The following RBFOX1 variants were observed in gnomAD, a reference collection of about 807,000 sequenced individuals.
The protein encoded by RBFOX1 is RNA binding fox-1 homolog 1.
RBFOX1 carries 8 observed loss-of-function variants against 57.7 expected under a neutral mutation model. That is an observed-to-expected ratio of 0.14 (90% CI 0.08 to 0.25). RBFOX1 has a LOEUF of 0.25. Among genes scored for constraint, RBFOX1 ranks in the 10% least tolerant of loss-of-function variants. The probability of loss-of-function intolerance (pLI) is 1.00; values close to 1 mark genes in which losing one functional copy is unlikely to be tolerated. For synonymous variants in RBFOX1, 326 were observed against 222.4 expected (o/e 1.47, Z -4.15); for missense variants, 611 against 548.5 (o/e 1.11, Z -1.14).
chr16:7,066,059 A>C (rs1047307938), intron 4 of RBFOX1, among the ~76,000 whole-genome samples: 2 of 152,220 alleles, frequency 1.3e-5, no homozygotes, highest in African/African-American at 4.8e-5. Context: ...AAAGTTTTGC[A>C]AACATCTAAG....
chr16:6,008,668 G>GA (rs2094941721), intron 4 of RBFOX1, among the ~76,000 whole-genome samples: 1 of 152,096 alleles, frequency 6.6e-6, no homozygotes, highest in South Asian at 2.1e-4. Flanking sequence ...TTAACTGTTG[G>GA]AAAAAAGAAC....
chr16:7,158,046 A>G (rs551812690), intron 4 of RBFOX1, among the ~76,000 whole-genome samples: 62 of 152,322 alleles, frequency 4.1e-4, no homozygotes, highest in African/African-American at 1.5e-3. Flanking sequence ...CAATAGTAAC[A>G]TCTTGAAAAA....
At chr16:6,437,376 C>T (rs140188747) in intron 2 of RBFOX1, among the ~76,000 whole-genome samples, 106 of 152,332 alleles carry the variant, frequency 7.0e-4, no homozygotes, top group African/African-American at 2.3e-3. Flanking sequence ...CTTTTGTTTG[C>T]AGCTTGAAAA....
chr16:7,409,202 G>A (rs958245005), intron 4 of RBFOX1, among the ~76,000 whole-genome samples: 2 of 152,190 alleles, frequency 1.3e-5, no homozygotes, highest in Non-Finnish European at 2.9e-5. Context: ...AGAGAGTCTG[G>A]AGAATGAGAA....
At chr16:7,203,931 G>A (rs1041273335) in intron 4 of RBFOX1, among the ~76,000 whole-genome samples, 2 of 152,212 alleles carry the variant, frequency 1.3e-5, no homozygotes, top group African/African-American at 2.4e-5. Context: ...ATTTACATAT[G>A]ATTTGCATCT....
intron 2 of RBFOX1, among the ~76,000 whole-genome samples, chr16:6,540,874 C>T (rs1216997310): frequency 1.3e-5 from 2 of 152,040 alleles, no homozygotes; most frequent in African/African-American, 4.8e-5. Context: ...CATCATATTT[C>T]TCCATTATAA....
chr16:5,578,806 G>C (rs994053528), intron 2 of RBFOX1, among the ~76,000 whole-genome samples: 1 of 146,982 alleles, frequency 6.8e-6, no homozygotes, highest in African/African-American at 2.5e-5. Context: ...AATCCCAAAA[G>C]TACTAGCGCA....
intron 3 of RBFOX1, among the ~76,000 whole-genome samples, chr16:6,981,015 C>T (rs1275424482): frequency 8.8e-6 from 1 of 113,090 alleles, no homozygotes; most frequent in Non-Finnish European, 1.6e-5. Flanking sequence ...TGCACTCCAG[C>T]CTGGGTGGCA....
chr16:5,704,230 A>G (rs1029225182), intron 3 of RBFOX1, among the ~76,000 whole-genome samples: 1 of 152,200 alleles, frequency 6.6e-6, no homozygotes, highest in Non-Finnish European at 1.5e-5. Flanking sequence ...GCTGCTGGAT[A>G]AAACAGTAAT....
chr16:6,101,614 G>A (rs2096309767), intron 1 of RBFOX1, among the ~76,000 whole-genome samples: 1 of 152,154 alleles, frequency 6.6e-6, no homozygotes, highest in Non-Finnish European at 1.5e-5. Context: ...ACCCTCCGGA[G>A]TAGCTGGGAT....
rs548043284 is a variant in RBFOX1 at position 6,615,917 on chromosome 16, C to G, written c.-63-38686C>G. Among the ~76,000 whole-genome samples the G allele has an allele frequency of 6.0e-4, 91 of 152,324 alleles. 1 individual carries two copies. The highest frequency in any genetic ancestry group is 2.1e-3 in the African/African-American group (86 of 41,582). ...TACGCATCTCCCCATCCCTCATAAC[C>G]TCCCTCGGTGCAGAAACTATCTGTG... On this transcript the variant is annotated intron_variant, in intron 2 of 15. Transcript: ENST00000550418.
chr16:5,482,872 T>C (rs1305087800), intron 2 of RBFOX1, among the ~76,000 whole-genome samples: 2 of 152,176 alleles, frequency 1.3e-5, no homozygotes, highest in East Asian at 3.9e-4. Context: ...GGGAAGGGGA[T>C]ATTTTCAAGA....
At chr16:6,735,926 T>C (rs1360730423) in intron 3 of RBFOX1, among the ~76,000 whole-genome samples, 1 of 150,204 alleles carries the variant, frequency 6.7e-6, no homozygotes, top group African/African-American at 2.4e-5. Context: ...TGTCGCCATT[T>C]TTTTTTTGCC....
rs370629479 is a variant in RBFOX1 at position 5,243,517 on chromosome 16, C to T, written c.219+3412C>T. The stretch of plus-strand genomic sequence containing the variant: ...TTCGTGGTGCTGGTGGGGGCCGTCC[C>T]GTGTATTGTAGGATGGTTAGCGGCA... On this transcript the variant is annotated intron_variant, in intron 1 of 2. Coordinates refer to the RBFOX1 transcript ENST00000585867. Among the ~76,000 whole-genome samples the T allele has an allele frequency of 4.6e-5, 7 of 152,236 alleles. No individual in the cohort carries two copies. In the South Asian group the frequency reaches 8.3e-4, roughly 18 times the overall value.
intron 1 of RBFOX1, among the ~76,000 whole-genome samples, chr16:6,315,379 T>G (rs1419845605): frequency 6.6e-6 from 1 of 150,984 alleles, no homozygotes; most frequent in African/African-American, 2.4e-5. Flanking sequence ...GATGGATGGA[T>G]GGATGGGTGG....
chr16:7,207,777 A>C (rs2090296827), intron 4 of RBFOX1, among the ~76,000 whole-genome samples: 1 of 152,204 alleles, frequency 6.6e-6, no homozygotes, highest in Non-Finnish European at 1.5e-5. Context: ...CACCCAGTTC[A>C]TGTAGCTTCT....
intron 3 of RBFOX1, among the ~76,000 whole-genome samples, chr16:6,879,453 C>G (rs1196602789): frequency 6.6e-6 from 1 of 152,128 alleles, no homozygotes; most frequent in Non-Finnish European, 1.5e-5. Context: ...GTTCTTTCAT[C>G]TTTGTGTGTA....
chr16:6,588,541 A>G (rs1011880308), intron 2 of RBFOX1, among the ~76,000 whole-genome samples: 1 of 151,846 alleles, frequency 6.6e-6, no homozygotes, highest in Non-Finnish European at 1.5e-5. Context: ...TAACTCAGCT[A>G]CTCTGGAGGC....
chr16:5,264,514 C>CCACCAGCTG (rs2062812151), intron 1 of RBFOX1, among the ~76,000 whole-genome samples: 1 of 152,168 alleles, frequency 6.6e-6, no homozygotes, highest in Admixed American at 6.5e-5. Context: ...TGGTGAAAGA[C>CCACCAGCTG]CACCAGCTGT....
Sources: allele counts gnomAD v4.1 joint callset (sites outside exome capture counted in the v4.1 genomes callset), GRCh38; gene constraint gnomAD v4.1.1; transcripts MANE v1.5; gene names NCBI Gene and HGNC (gene_info 2026-07-23, HGNC 2026-07-21).